SHANK2: variants seen among roughly 807,000 people sequenced by gnomAD.
The protein encoded by SHANK2 is SH3 and multiple ankyrin repeat domains 2, also known as SH3 and multiple ankyrin repeat domains protein 2.
A neutral mutation model predicts 133.7 loss-of-function variants in SHANK2; 43 were observed. The observed-to-expected ratio is 0.32, with a 90% CI of 0.25 to 0.41. The LOEUF is 0.41. Ranked by LOEUF, SHANK2 falls within the 10% of genes least tolerant of loss-of-function variation. The pLI is 1.00. For synonymous variants in SHANK2, 1,017 were observed against 952.8 expected (o/e 1.07, Z -1.24); for missense variants, 1,994 against 2,235.8 (o/e 0.89, Z 2.18).
At chr11:71,127,313 G>A (rs1443451380) in intron 3 of SHANK2, among the ~76,000 whole-genome samples, 4 of 152,196 alleles carry the variant, frequency 2.6e-5, no homozygotes, top group Admixed American at 6.5e-5. Context: ...TGTCCACACA[G>A]GATCTAGAAT....
intron 1 of SHANK2, among the ~76,000 whole-genome samples, chr11:71,228,034 AC>A (rs782135123): frequency 3.9e-5 from 6 of 152,192 alleles, no homozygotes; most frequent in African/African-American, 9.6e-5. Context: ...AGAAAAAAAA[AC>A]AACACAAATT....
At chr11:70,706,844 A>C (rs1390020629) in intron 14 of SHANK2, among the ~76,000 whole-genome samples, 1 of 152,168 alleles carries the variant, frequency 6.6e-6, no homozygotes, top group Non-Finnish European at 1.5e-5. Flanking sequence ...TCAGACTGTC[A>C]GCATTTAAAA....
At chr11:71,168,538 G>C (rs1953237183) in intron 2 of SHANK2, among the ~76,000 whole-genome samples, 1 of 152,070 alleles carries the variant, frequency 6.6e-6, no homozygotes, top group Admixed American at 6.5e-5. Flanking sequence ...GGGCACCATT[G>C]AGCACGGAGT....
At chr11:70,878,532 C>T (rs1413182642) in intron 11 of SHANK2, among the ~76,000 whole-genome samples, 1 of 152,192 alleles carries the variant, frequency 6.6e-6, no homozygotes, top group East Asian at 1.9e-4. Context: ...CTCCCTCGGG[C>T]TGCATGGTGG....
chr11:70,711,461 A>T (rs530209294), intron 14 of SHANK2, among the ~76,000 whole-genome samples: 1 of 152,366 alleles, frequency 6.6e-6, no homozygotes, highest in Non-Finnish European at 1.5e-5. Context: ...GGGATGAAAG[A>T]CCGAAATAAC....
chr11:70,826,111 C>A (rs917929346), intron 11 of SHANK2, among the ~76,000 whole-genome samples: 22 of 152,242 alleles, frequency 1.4e-4, no homozygotes, highest in South Asian at 4.1e-4. Context: ...CGGCCAGTGC[C>A]TAGCAGCCCT....
intron 11 of SHANK2, among the ~76,000 whole-genome samples, chr11:70,886,128 G>C (rs868972814): frequency 1.3e-5 from 2 of 152,082 alleles, no homozygotes; most frequent in Non-Finnish European, 2.9e-5. Flanking sequence ...ACGCAGACTT[G>C]CACAGCTCAC....
chr11:70,577,663 C>T (rs949498363), intron 17 of SHANK2, among the ~76,000 whole-genome samples: 9 of 152,182 alleles, frequency 5.9e-5, no homozygotes, highest in Non-Finnish European at 1.2e-4. Flanking sequence ...CAGGCCCACC[C>T]CCACCTGAGC....
intron 14 of SHANK2, among the ~76,000 whole-genome samples, chr11:70,735,475 A>G (rs1168718245): frequency 2.0e-5 from 3 of 152,086 alleles, no homozygotes; most frequent in African/African-American, 7.2e-5. Context: ...CGATGCTGAG[A>G]CAGGCAGATC....
chr11:71,219,133 A>G lies in SHANK2; in HGVS notation c.-13+5564T>C, dbSNP rs1530234. Among the ~76,000 whole-genome samples, 1,482 of 152,324 alleles carry G rather than the reference A, an allele frequency of 9.7e-3. 22 individuals are homozygous for G. Among genetic ancestry groups the G allele is most frequent in the African/African-American group, 0.034 (1,398 of 41,576 alleles). On this transcript the variant is annotated intron_variant, in intron 2 of 25. Transcript: ENST00000601538. ...AGGAGAGAGCATTTCTCAGAATCACATCAGAGAAAAGTGGCATGGTTCTAG... is the reference window on the plus strand; with the variant it reads ...AGGAGAGAGCATTTCTCAGAATCACGTCAGAGAAAAGTGGCATGGTTCTAG...
At chr11:70,856,748 T>C (rs1440961231) in intron 11 of SHANK2, among the ~76,000 whole-genome samples, 2 of 152,192 alleles carry the variant, frequency 1.3e-5, no homozygotes, top group Admixed American at 1.3e-4. Flanking sequence ...TCCTGCTTTA[T>C]TGAATCAGAG....
At chr11:70,682,132 C>A (rs994875254) in intron 15 of SHANK2, among the ~76,000 whole-genome samples, 5 of 152,146 alleles carry the variant, frequency 3.3e-5, no homozygotes, top group Non-Finnish European at 5.9e-5. Flanking sequence ...ACTGATCCGA[C>A]AGAAACGCAC....
In SHANK2 at chr11:71,118,906, C is replaced by T. The variant is rs1447212040; in HGVS notation, c.334G>A (p.Asp112Asn). 14 of 1,551,668 alleles carry T rather than the reference C, an allele frequency of 9.0e-6. No homozygotes were observed. The highest frequency in any genetic ancestry group is 1.2e-5 in the Non-Finnish European group (14 of 1,147,026). ...CGCTCCTCATCCAGGAACTTGCCGT[C>T]ACGCCCATTGCTGGCCGGCTGGAAC... ...GLFQPASNGR[D>N]GKFLDEERLL... The change falls in exon 4 of 26, where the codon GAC (aspartate) becomes AAC (asparagine). Residue 112 changes from aspartate to asparagine, a missense_variant. Physicochemically the swap from Asp to Asn is conservative, Grantham distance 23 (BLOSUM62 1). Transcript: ENST00000601538.
chr11:70,892,363 G>A (rs1555074875), intron 11 of SHANK2, among the ~76,000 whole-genome samples: 5 of 152,078 alleles, frequency 3.3e-5, no homozygotes, highest in African/African-American at 1.2e-4. Context: ...TGGTGGGGGG[G>A]ACTGCCCTGT....
chr11:70,859,966 G>A (rs1949232305), intron 11 of SHANK2, among the ~76,000 whole-genome samples: 1 of 152,154 alleles, frequency 6.6e-6, no homozygotes, highest in African/African-American at 2.4e-5. Context: ...TCTAAATTCA[G>A]CTTTGGCAAC....
intron 14 of SHANK2, among the ~76,000 whole-genome samples, chr11:70,721,976 G>A (rs75514958): frequency 0.047 from 7,130 of 152,326 alleles, 577 homozygotes; most frequent in African/African-American, 0.16. Flanking sequence ...GGCCCGTCGA[G>A]GTGTGAGTGC....
At chr11:70,540,556 G>T (rs1286862914) in intron 17 of SHANK2, among the ~76,000 whole-genome samples, 1 of 42,038 alleles carries the variant, frequency 2.4e-5, no homozygotes, top group Non-Finnish European at 4.1e-5. Flanking sequence ...GATTAGCGAC[G>T]GGGGGTGAGC....
At chr11:71,184,094 A>C (rs1953623878) in intron 2 of SHANK2, among the ~76,000 whole-genome samples, 1 of 152,118 alleles carries the variant, frequency 6.6e-6, no homozygotes, top group African/African-American at 2.4e-5. Flanking sequence ...GAGATTACCG[A>C]CTGGGCAGAG....
intron 11 of SHANK2, among the ~76,000 whole-genome samples, chr11:70,866,974 A>G (rs1255727136): frequency 2.0e-5 from 3 of 151,916 alleles, no homozygotes; most frequent in Admixed American, 2.0e-4. Context: ...TGTGGCTCTC[A>G]CCCCAGCAGA....
Sources: allele counts gnomAD v4.1 joint callset (sites outside exome capture counted in the v4.1 genomes callset), GRCh38; gene constraint gnomAD v4.1.1; transcripts MANE v1.5; gene names NCBI Gene and HGNC (gene_info 2026-07-23, HGNC 2026-07-21).